SPATA31H1: variants seen among roughly 807,000 people sequenced by gnomAD.
The protein encoded by SPATA31H1 is spermatogenesis-associated protein 31H1.
At chr2:27,580,281 C>T in the SPATA31H1 span, 16 of 1,614,026 alleles carry the variant, frequency 9.9e-6, no homozygotes, top group South Asian at 3.3e-5. Flanking sequence ...GCGAGGACAA[C>T]GCAGCAGGCC....
At chr2:27,545,927 T>G in the SPATA31H1 span, among the ~76,000 whole-genome samples, 2 of 152,010 alleles carry the variant, frequency 1.3e-5, no homozygotes, top group Non-Finnish European at 2.9e-5. Flanking sequence ...TTAATGTGCA[T>G]TTCCCTAATG....
At chr2:27,539,252 G>GCGGCCTTC in the SPATA31H1 span, among the ~76,000 whole-genome samples, 6 of 150,062 alleles carry the variant, frequency 4.0e-5, no homozygotes, top group South Asian at 2.1e-4. Context: ...AGAGGACCCT[G>GCGGCCTTC]CGGCCTTCCG....
At chr2:27,537,771 TAGGAGCTCG>T in the SPATA31H1 span, among the ~76,000 whole-genome samples, 2 of 152,158 alleles carry the variant, frequency 1.3e-5, no homozygotes, top group Admixed American at 6.5e-5. Context: ...CGCCATTCTC[TAGGAGCTCG>T]AGGTGAAGTG....
the SPATA31H1 span, among the ~76,000 whole-genome samples, chr2:27,548,177 TTCACCGTGGTC>T: frequency 6.6e-6 from 1 of 151,532 alleles, no homozygotes; most frequent in Non-Finnish European, 1.5e-5. Context: ...GAGACGGGGT[TTCACCGTGGTC>T]TGGATCTCCT....
the SPATA31H1 span, among the ~76,000 whole-genome samples, chr2:27,564,140 G>A: frequency 6.6e-6 from 1 of 152,194 alleles, no homozygotes; most frequent in African/African-American, 2.4e-5. Flanking sequence ...TACACAGTGG[G>A]TATAAATTAG....
At chr2:27,543,804 C>T in the SPATA31H1 span, among the ~76,000 whole-genome samples, 6 of 151,936 alleles carry the variant, frequency 3.9e-5, no homozygotes, top group Admixed American at 3.9e-4. Context: ...TCCGGGACCC[C>T]CTACCCAAGG....
the SPATA31H1 span, among the ~76,000 whole-genome samples, chr2:27,557,946 G>A: frequency 2.5e-4 from 1 of 3,984 alleles, no homozygotes; most frequent in Non-Finnish European, 8.0e-4. Context: ...GGATGGGGCG[G>A]CTGGCCAGGC....
the SPATA31H1 span, chr2:27,577,212 A>G: frequency 6.2e-7 from 1 of 1,614,034 alleles, no homozygotes; most frequent in Non-Finnish European, 8.5e-7. The surrounding 1 kb of genome is among the most constrained non-coding windows in gnomAD (Gnocchi z 4.5). Flanking sequence ...TCCAATGGTA[A>G]GGGATCAAGG....
the SPATA31H1 span, among the ~76,000 whole-genome samples, chr2:27,542,126 G>A: frequency 6.6e-6 from 1 of 152,012 alleles, no homozygotes; most frequent in African/African-American, 2.4e-5. Flanking sequence ...GCTGGGCGCG[G>A]TGGCTCATGC....
At chr2:27,568,521 C>A in the SPATA31H1 span, 1 of 399,020 alleles carries the variant, frequency 2.5e-6, no homozygotes, top group Non-Finnish European at 4.4e-6. Context: ...GGAGATAATT[C>A]CACCAGCACA....
At chr2:27,552,458 C>T in the SPATA31H1 span, among the ~76,000 whole-genome samples, 1 of 151,878 alleles carries the variant, frequency 6.6e-6, no homozygotes, top group Non-Finnish European at 1.5e-5. Flanking sequence ...ATATGTTTAT[C>T]CTTATGCCAG....
At chr2:27,560,228 C>T in the SPATA31H1 span, among the ~76,000 whole-genome samples, 1 of 152,088 alleles carries the variant, frequency 6.6e-6, no homozygotes, top group Non-Finnish European at 1.5e-5. Flanking sequence ...AATTCCAATA[C>T]CTGACATCTT....
chr2:27,558,874 A>G, the SPATA31H1 span, among the ~76,000 whole-genome samples: 1 of 99,622 alleles, frequency 1.0e-5, no homozygotes, highest in Non-Finnish European at 1.9e-5. Flanking sequence ...TTGGCTCGGC[A>G]TCAGAGGGAG....
chr2:27,539,717 C>T, the SPATA31H1 span, among the ~76,000 whole-genome samples: 4 of 69,740 alleles, frequency 5.7e-5, 1 homozygote, highest in Admixed American at 7.2e-4. Flanking sequence ...CCCTCACCTC[C>T]CGGATGGGGC....
chr2:27,550,711 G>A, the SPATA31H1 span, among the ~76,000 whole-genome samples: 7 of 151,728 alleles, frequency 4.6e-5, no homozygotes, highest in South Asian at 4.2e-4. Flanking sequence ...GAGTCACTGC[G>A]CCTGGCTGGG....
the SPATA31H1 span, among the ~76,000 whole-genome samples, chr2:27,551,973 GC>G: frequency 6.6e-6 from 1 of 151,824 alleles, no homozygotes; most frequent in African/African-American, 2.4e-5. Flanking sequence ...GCACCACCAT[GC>G]CCAGCTAATT....
chr2:27,557,854 CGGGCAGGGGGCT>C, the SPATA31H1 span, among the ~76,000 whole-genome samples: 10 of 37,094 alleles, frequency 2.7e-4, no homozygotes, highest in Admixed American at 1.7e-3. Context: ...GGCGGCTGGC[CGGGCAGGGGGCT>C]GACCCCCCCT....
chr2:27,580,136 C>T, the SPATA31H1 span: 2 of 1,614,148 alleles, frequency 1.2e-6, no homozygotes, highest in East Asian at 2.2e-5. Context: ...ATAGACCCGT[C>T]ATACGGAGAA....
the SPATA31H1 span, among the ~76,000 whole-genome samples, chr2:27,537,846 G>A: frequency 1.3e-5 from 2 of 152,144 alleles, no homozygotes; most frequent in African/African-American, 2.4e-5. Flanking sequence ...GTTAATAGAG[G>A]TATAAATGTT....
Sources: gnomAD v4.1 joint callset for allele counts (sites outside exome capture counted in the v4.1 genomes callset) on GRCh38, gnomAD v4.1.1 for gene constraint, Gnocchi (gnomAD v3.1) non-coding constraint, MANE v1.5 for transcripts, NCBI Gene and HGNC (gene_info 2026-07-23, HGNC 2026-07-21) for gene names.